CEP85L: variants seen among roughly 807,000 people sequenced by gnomAD.
CEP85L encodes the protein centrosomal protein 85L.
Under a neutral mutation model 100.3 loss-of-function variants are expected in CEP85L, and 60 were observed. The ratio of observed to expected loss-of-function variants is 0.60; its 90% CI spans 0.49 to 0.74. The LOEUF is 0.74. Among genes scored for constraint, CEP85L ranks in the 30% least tolerant of loss-of-function variants. The probability of loss-of-function intolerance (pLI) is 0.00; values close to 1 mark genes in which losing one functional copy is unlikely to be tolerated. For synonymous variants in CEP85L, 319 were observed against 322.7 expected (o/e 0.99, Z 0.12); for missense variants, 973 against 936.2 (o/e 1.04, Z -0.51).
upstream of CEP85L, chr6:118,652,434 CG>C: frequency 8.6e-7 from 1 of 1,167,486 alleles, no homozygotes; most frequent in South Asian, 2.2e-5. Flanking sequence ...ATGCTTCCAA[CG>C]TTTAGTTACG....
At chr6:118,557,206 T>G (rs986422503) in intron 3 of CEP85L, among the ~76,000 whole-genome samples, 22 of 152,230 alleles carry the variant, frequency 1.4e-4, no homozygotes, top group African/African-American at 5.3e-4. Flanking sequence ...ACTTCCCATT[T>G]AACACTATTT....
In CEP85L at chr6:118,558,782, T is replaced by C. The variant is rs1779054629; in HGVS notation, c.1020+6747A>G. 1.1e-4 allele frequency: 76 copies of C among 707,790 alleles called. No homozygotes were observed. The South Asian group carries it at 1.1e-3, about 10-fold the overall frequency. 43.8% of individuals were successfully genotyped at this position (707,790 alleles called of 1,614,324 possible). ...TTGTATTTTTTGTTCTGAGGATAGG[T>C]TACATAGATGATTCTAATCCATTTA... On this transcript the variant is annotated intron_variant, in intron 3 of 12. Coordinates refer to ENST00000368491, the MANE Select transcript of CEP85L (RefSeq NM_001042475.3).
At chr6:118,588,365 T>G (rs181682181) in intron 2 of CEP85L, among the ~76,000 whole-genome samples, 3 of 152,192 alleles carry the variant, frequency 2.0e-5, no homozygotes, top group Non-Finnish European at 4.4e-5. Context: ...GTATGGGCCA[T>G]AGAGGCACAA....
rs541126616 is a variant in CEP85L at position 118,686,307 on chromosome 6, C to T, written c.-28+23729G>A. Among the ~76,000 whole-genome samples, 243 of 152,170 alleles carry T rather than the reference C, an allele frequency of 1.6e-3. 1 individual carries two copies. Among genetic ancestry groups the T allele is most frequent in the African/African-American group, 5.5e-3 (227 of 41,502 alleles). On this transcript the variant is annotated intron_variant, in intron 1 of 13. Transcript: ENST00000368488. ...TTTGGATGTACTGTTGTGCAACCAT[C>T]ACCACAAACCAGTTTTAGAACATTT... is the stretch of plus-strand genomic sequence containing the variant.
At chr6:118,675,118 A>G (rs1311634120) in intron 1 of CEP85L, among the ~76,000 whole-genome samples, 1 of 152,188 alleles carries the variant, frequency 6.6e-6, no homozygotes. Context: ...ACATGCACTC[A>G]CATACAAGGG....
chr6:118,639,780 C>T (rs915731569), intron 1 of CEP85L, among the ~76,000 whole-genome samples: 1 of 152,176 alleles, frequency 6.6e-6, no homozygotes, highest in African/African-American at 2.4e-5. Flanking sequence ...ATTATAACCA[C>T]TGGATACCTA....
chr6:118,600,741 A>G (rs762250079), intron 2 of CEP85L, among the ~76,000 whole-genome samples: 15 of 150,616 alleles, frequency 1.0e-4, no homozygotes, highest in Non-Finnish European at 2.2e-4. Flanking sequence ...TTACATATTG[A>G]TCTGACACCA....
chr6:118,680,933 A>C (rs1317569121), intron 1 of CEP85L, among the ~76,000 whole-genome samples: 1 of 151,960 alleles, frequency 6.6e-6, no homozygotes, highest in Admixed American at 6.5e-5. Context: ...CCAGATAGCC[A>C]CAGGGCCTGA....
intron 10 of CEP85L, among the ~76,000 whole-genome samples, chr6:118,472,987 G>A (rs1279609024): frequency 1.3e-5 from 2 of 152,164 alleles, no homozygotes; most frequent in African/African-American, 4.8e-5. Flanking sequence ...AACCAGGTGT[G>A]CCTTAGTCCA....
chr6:118,499,688 C>CA (rs1775151602), intron 5 of CEP85L, among the ~76,000 whole-genome samples: 1 of 151,404 alleles, frequency 6.6e-6, no homozygotes, highest in South Asian at 2.1e-4. Flanking sequence ...ACAAAACAAA[C>CA]AAAAAAACAA....
At chr6:118,625,620 C>T (rs559798769) in intron 2 of CEP85L, among the ~76,000 whole-genome samples, 9 of 152,306 alleles carry the variant, frequency 5.9e-5, no homozygotes, top group African/African-American at 2.2e-4. Context: ...GAAGAACCTG[C>T]CTCTTCTTAG....
chr6:118,477,796 C>T lies in CEP85L; in HGVS notation c.1914+2075G>A, dbSNP rs1483739731. On this transcript the variant is annotated intron_variant, in intron 10 of 12. Transcript: ENST00000368491. ...GGAAGAAAGAATATCCCAACTATAG[C>T]GTCAGTGAGATTTTACATAAAATTA... 2.0e-5 allele frequency among the ~76,000 whole-genome samples: 3 copies of T among 152,002 alleles called. No individual in the cohort carries two copies. In the East Asian group the frequency reaches 5.8e-4, roughly 29 times the overall value.
rs113205166 is a variant in CEP85L, at chr6:118,558,662, G to C, written c.1020+6867C>G. On this transcript the variant is annotated intron_variant, in intron 3 of 12. Coordinates refer to ENST00000368491, the MANE Select transcript of CEP85L (RefSeq NM_001042475.3). ...ACACACACACACACACACACACACA[G>C]AGAGAGAGAGAGAGAGAGAGAGAGA... Among the ~76,000 whole-genome samples the C allele has an allele frequency of 0.43, 47,327 of 111,300 alleles. 9,054 individuals carry two copies. The highest frequency in any genetic ancestry group is 0.51 in the Middle Eastern group (99 of 196). 73.0% of individuals were successfully genotyped at this position (111,300 alleles called of 152,430 possible). A position where few individuals can be genotyped will look rare whatever the true frequency, so the allele number is the denominator to read the frequency against.
chr6:118,600,300 G>GTGTGTGTGTGTGTGTGTGTGTGTGTGTGT (rs1554228039), intron 2 of CEP85L, among the ~76,000 whole-genome samples: 4 of 52,246 alleles, frequency 7.7e-5, no homozygotes, highest in African/African-American at 2.0e-4. Flanking sequence ...CCTTCCTGGG[G>GTGTGTGTGTGTGTGTGTGTGTGTGTGTGT]GTGTGTGTGT....
intron 3 of CEP85L, among the ~76,000 whole-genome samples, chr6:118,531,376 G>T (rs943657792): frequency 6.6e-6 from 1 of 152,096 alleles, no homozygotes; most frequent in African/African-American, 2.4e-5. Flanking sequence ...ATGAATTAAA[G>T]ACTTAATTAT....
Position 118,602,855 on chromosome 6 carries a change from C to T in CEP85L, c.232+29598G>A, listed in dbSNP as rs182108454. 4.0e-5 allele frequency among the ~76,000 whole-genome samples: 6 copies of T among 151,430 alleles called. No homozygotes were observed. In the East Asian group the frequency reaches 5.9e-4, roughly 15 times the overall value. ...TTTTTTTTGGAGATATAGTCTCGCACGGTCACCCAGGCTGGAGTGCAATGG... is the reference window on the plus strand; with the variant it reads ...TTTTTTTTGGAGATATAGTCTCGCATGGTCACCCAGGCTGGAGTGCAATGG... On this transcript the variant is annotated intron_variant, in intron 2 of 12. Coordinates refer to ENST00000368491, the MANE Select transcript of CEP85L (RefSeq NM_001042475.3).
chr6:118,609,276 T>C (rs1772451031), intron 2 of CEP85L, among the ~76,000 whole-genome samples: 1 of 152,180 alleles, frequency 6.6e-6, no homozygotes, highest in Non-Finnish European at 1.5e-5. Context: ...GGGAGACTTC[T>C]TTTTTTGCTC....
At chr6:118,650,220 T>C (rs988458974) in intron 1 of CEP85L, among the ~76,000 whole-genome samples, 7 of 152,148 alleles carry the variant, frequency 4.6e-5, no homozygotes, top group African/African-American at 1.7e-4. Flanking sequence ...CGTATGTATA[T>C]ATGGCATTGT....
chr6:118,618,589 C>T (rs929361518), intron 2 of CEP85L, among the ~76,000 whole-genome samples: 17 of 152,040 alleles, frequency 1.1e-4, no homozygotes, highest in Admixed American at 1.0e-3. Context: ...AGTTGAATTG[C>T]TTTTTCAACC....
Sources: gnomAD v4.1 joint callset for allele counts (sites outside exome capture counted in the v4.1 genomes callset) on GRCh38, gnomAD v4.1.1 for gene constraint, MANE v1.5 for transcripts, NCBI Gene and HGNC (gene_info 2026-07-23, HGNC 2026-07-21) for gene names.